The following PLEKHG3 variants were observed in gnomAD, a reference collection of about 807,000 sequenced individuals.
The protein encoded by PLEKHG3 is pleckstrin homology and RhoGEF domain containing G3, also known as pleckstrin homology domain-containing family G member 3.
A neutral mutation model predicts 94.9 loss-of-function variants in PLEKHG3; 62 were observed. The ratio of observed to expected loss-of-function variants is 0.65; its 90% CI spans 0.53 to 0.81. The LOEUF is 0.81. Among genes scored for constraint, PLEKHG3 ranks in the 30% least tolerant of loss-of-function variants. PLEKHG3 has a pLI of 0.00. For missense variants in PLEKHG3, 1,461 were observed against 1,619.3 expected, an observed-to-expected ratio of 0.90 and a Z score of 1.68; for synonymous variants, 614 against 654.0, an observed-to-expected ratio of 0.94 and a Z score of 0.93.
intron 1 of PLEKHG3, among the ~76,000 whole-genome samples, chr14:64,708,069 T>TG (rs2081001980): frequency 1.3e-5 from 2 of 152,214 alleles, no homozygotes; most frequent in Admixed American, 1.3e-4. Flanking sequence ...TTTTAGATAT[T>TG]GGGCAGGAGT....
chr14:64,744,417 A>C lies in PLEKHG3; in HGVS notation c.*714A>C, dbSNP rs1046172323. On this transcript the variant is annotated 3_prime_UTR_variant, in exon 17 of 17. Transcript: ENST00000247226. ...TTCATGGGCCAGGGATGTCTTAGGG[A>C]GATGGAGACATGGAGGTTGTTCCTT... 6.6e-5 allele frequency: 10 copies of C among 152,444 alleles called. No homozygotes were observed. Among genetic ancestry groups the C allele is most frequent in the African/African-American group, 2.2e-4 (9 of 41,390 alleles). The allele number at this position is 152,444 out of a possible 1,614,324, so 9.4% of individuals were successfully genotyped here. A position where few individuals can be genotyped will look rare whatever the true frequency, so the allele number is the denominator to read the frequency against.
chr14:64,716,902 G>C lies in PLEKHG3; in HGVS notation c.-39-10691G>C, dbSNP rs1407837875. Among the ~76,000 whole-genome samples, 1 of 152,234 alleles carries C rather than the reference G, an allele frequency of 6.6e-6. No individual in the cohort carries two copies. Among genetic ancestry groups the C allele is most frequent in the East Asian group, 1.9e-4 (1 of 5,196 alleles). On this transcript the variant is annotated intron_variant, in intron 1 of 16. Coordinates refer to ENST00000247226, the MANE Select transcript of PLEKHG3 (RefSeq NM_001308147.2). The surrounding 1 kb of genome is among the most constrained non-coding windows in gnomAD (Gnocchi z 5.0). ...GAATTCTGGTCCATGTACGCTCCCA[G>C]CTGAGGCAGGAAGTGCCCCTCCTCT...
At chr14:64,735,354 G>A (rs1054584479) in intron 12 of PLEKHG3, among the ~76,000 whole-genome samples, 3 of 152,226 alleles carry the variant, frequency 2.0e-5, no homozygotes, top group Non-Finnish European at 2.9e-5. Flanking sequence ...GCTCACTCCT[G>A]TAATCCTAGC....
rs954413659 is a variant in PLEKHG3, at chr14:64,743,168, C to T, written c.3125C>T (p.Thr1042Ile). 6 of 1,610,976 alleles carry T rather than the reference C, an allele frequency of 3.7e-6. No homozygotes were observed. In the Middle Eastern group the frequency reaches 5.0e-4, roughly 133 times the overall value. Residue 1042 changes from threonine (T) to isoleucine (I), a missense_variant, in exon 17 of 17, where the codon ACA becomes ATA. Transcript: ENST00000247226. The surrounding 1 kb of genome is among the most constrained non-coding windows in gnomAD (Gnocchi z 7.2). ...RPSARSPLSPTETFSWPDVRE... is the reference protein window; with the variant it reads ...RPSARSPLSPIETFSWPDVRE... Reference sequence around the variant, plus strand: ...TCCGCCCGGAGCCCCCTCAGCCCCACAGAGACCTTCAGCTGGCCCGACGTC... The same window carrying T: ...TCCGCCCGGAGCCCCCTCAGCCCCATAGAGACCTTCAGCTGGCCCGACGTC...
At position 64,738,222 on chromosome 14, in the gene PLEKHG3, A is replaced by T; in HGVS notation, c.1405-520A>T. On this transcript the variant is annotated intron_variant, in intron 14 of 16. Coordinates refer to ENST00000247226, the MANE Select transcript of PLEKHG3 (RefSeq NM_001308147.2). This position sits in a 1 kb window ranked among gnomAD's most constrained non-coding sequence, Gnocchi z 4.8. ...CGCTTTACTTTTCTCCCGGGGCGCT[A>T]TGGTGAGGTGTCTCTTCGATCTCCC... The T allele has an allele frequency of 7.8e-7, 1 of 1,287,746 alleles. No homozygotes were observed. The highest frequency in any genetic ancestry group is 1.0e-6 in the Non-Finnish European group (1 of 988,398). 79.8% of individuals were successfully genotyped at this position (1,287,746 alleles called of 1,614,324 possible).
At chr14:64,711,367 A>G (rs1406188533) in intron 1 of PLEKHG3, among the ~76,000 whole-genome samples, 1 of 152,020 alleles carries the variant, frequency 6.6e-6, no homozygotes, top group African/African-American at 2.4e-5. Flanking sequence ...GCAGATTGCC[A>G]GTTATCCCAA....
chr14:64,749,202 G>C lies in PLEKHG3; in HGVS notation c.*5499G>C, dbSNP rs1594730174. 2 of 1,404,194 alleles carry C rather than the reference G, an allele frequency of 1.4e-6. No individual in the cohort carries two copies. Among genetic ancestry groups the C allele is most frequent in the African/African-American group, 1.4e-5 (1 of 69,824 alleles). The allele number at this position is 1,404,194 out of a possible 1,614,324, so 87.0% of individuals were successfully genotyped here. ...GGCCCGGGGGCCCGGCCCGCGACTCGACTCATCTCGATTCGACCGGCGGGC... is the reference window on the plus strand; with the variant it reads ...GGCCCGGGGGCCCGGCCCGCGACTCCACTCATCTCGATTCGACCGGCGGGC... On this transcript the variant is annotated 3_prime_UTR_variant, in exon 17 of 17. Transcript: ENST00000247226. The surrounding 1 kb of genome is among the most constrained non-coding windows in gnomAD (Gnocchi z 4.7).
At position 64,744,679 on chromosome 14, in the gene PLEKHG3, G is replaced by A. The variant is rs1490506665; in HGVS notation, c.*976G>A. 3 of 152,164 alleles carry A rather than the reference G, an allele frequency of 2.0e-5. No individual in the cohort carries two copies. The highest frequency in any genetic ancestry group is 3.4e-3 in the Middle Eastern group (1 of 292). 9.4% of individuals were successfully genotyped at this position (152,164 alleles called of 1,614,324 possible). On this transcript the variant is annotated 3_prime_UTR_variant, in exon 17 of 17. Transcript: ENST00000247226. Reference sequence around the variant, plus strand: ...CAAGAAAAAGGGAGGTGGTGAGGTGGATAGACTGTTTTTCTCATAAGCAGA... The same window carrying A: ...CAAGAAAAAGGGAGGTGGTGAGGTGAATAGACTGTTTTTCTCATAAGCAGA...
intron 1 of PLEKHG3, among the ~76,000 whole-genome samples, chr14:64,719,708 C>T (rs2081230402): frequency 6.6e-6 from 1 of 152,092 alleles, no homozygotes; most frequent in Admixed American, 6.5e-5. Context: ...TCTCCAGTGC[C>T]TTTGAACCTG....
rs369536969 is a variant in PLEKHG3 at position 64,743,752 on chromosome 14, C to A, written c.*49C>A. On this transcript the variant is annotated 3_prime_UTR_variant, in exon 17 of 17. Coordinates refer to ENST00000247226, the MANE Select transcript of PLEKHG3 (RefSeq NM_001308147.2). The surrounding 1 kb of genome is among the most constrained non-coding windows in gnomAD (Gnocchi z 7.2). ...AGTCATGTTGGAGGTTGGGGAAGAACCTGGGCATCCTTCCCCTCAAGCCTG... is the reference window on the plus strand; with the variant it reads ...AGTCATGTTGGAGGTTGGGGAAGAAACTGGGCATCCTTCCCCTCAAGCCTG... The A allele has an allele frequency of 6.7e-7, 1 of 1,497,154 alleles. No homozygotes were observed. The highest frequency in any genetic ancestry group is 8.9e-7 in the Non-Finnish European group (1 of 1,128,650). 92.7% of individuals were successfully genotyped at this position (1,497,154 alleles called of 1,614,324 possible). A position where few individuals can be genotyped will look rare whatever the true frequency, so the allele number is the denominator to read the frequency against.
At position 64,742,458 on chromosome 14, in the gene PLEKHG3, A is replaced by G; in HGVS notation, c.2938+3A>G. Reference sequence around the variant, plus strand: ...TGGAGAGCCATTAGGTGGCAAAGGTATGACAGAAGCGGCAAGTGGGCCCTT... The same window carrying G: ...TGGAGAGCCATTAGGTGGCAAAGGTGTGACAGAAGCGGCAAGTGGGCCCTT... On this transcript the variant is annotated splice_donor_region_variant and intron_variant, in intron 16 of 16. Transcript: ENST00000247226. 6.3e-7 allele frequency: 1 copy of G among 1,594,098 alleles called. No homozygotes were observed. Among genetic ancestry groups the G allele is most frequent in the Middle Eastern group, 1.7e-4 (1 of 5,920 alleles).
chr14:64,729,470 G>A (rs940279253), intron 3 of PLEKHG3, among the ~76,000 whole-genome samples: 1 of 152,108 alleles, frequency 6.6e-6, no homozygotes, highest in African/African-American at 2.4e-5. Flanking sequence ...TGACCCCAAG[G>A]GCTCCCTGGA....
At chr14:64,712,178 T>G (rs185655372) in intron 1 of PLEKHG3, among the ~76,000 whole-genome samples, 1 of 152,252 alleles carries the variant, frequency 6.6e-6, no homozygotes, top group East Asian at 1.9e-4. Context: ...TCTCTTTCAT[T>G]GATCTATATG....
rs772238629 is a variant in PLEKHG3, at chr14:64,743,332, C to G, written c.3289C>G (p.Arg1097Gly). ...GCCACCTCTGTCGGGCAGGGTGGGC[C>G]GCTGCCGCAGCCTGAGCACCAAGAG... ...VEPPLSGRVG[R>G]CRSLSTKRGR... Residue 1097 changes from arginine (R) to glycine (G), a missense_variant, in exon 17 of 17, where the codon CGC becomes GGC. Coordinates refer to ENST00000247226, the MANE Select transcript of PLEKHG3 (RefSeq NM_001308147.2). This position sits in a 1 kb window ranked among gnomAD's most constrained non-coding sequence, Gnocchi z 7.2. 6.2e-7 allele frequency: 1 copy of G among 1,607,052 alleles called. No individual in the cohort carries two copies. The highest frequency in any genetic ancestry group is 1.7e-5 in the Admixed American group (1 of 59,746).
In PLEKHG3 at chr14:64,732,540, C is replaced by T. The variant is rs1378057841; in HGVS notation, c.1246+80C>T. 2.3e-6 allele frequency: 3 copies of T among 1,285,862 alleles called. No homozygotes were observed. Among genetic ancestry groups the T allele is most frequent in the Non-Finnish European group, 3.4e-6 (3 of 881,950 alleles). The allele number at this position is 1,285,862 out of a possible 1,614,324, so 79.7% of individuals were successfully genotyped here. On this transcript the variant is annotated intron_variant, in intron 11 of 16. Transcript: ENST00000247226. The surrounding 1 kb of genome is among the most constrained non-coding windows in gnomAD (Gnocchi z 4.9). ...AGGCTGCATCCTGGGGAAGCTTTAC[C>T]TGATAATTTTATTCCAGGAGCAGGG... is the stretch of plus-strand genomic sequence containing the variant.
In PLEKHG3 at chr14:64,722,512, G is replaced by T. The variant is rs904523466; in HGVS notation, c.-39-5081G>T. On this transcript the variant is annotated intron_variant, in intron 1 of 16. Coordinates refer to ENST00000247226, the MANE Select transcript of PLEKHG3 (RefSeq NM_001308147.2). This position sits in a 1 kb window ranked among gnomAD's most constrained non-coding sequence, Gnocchi z 4.3. ...TGGGATTACAGGCGTGAGCCACTGCGCCTGGCCACGAGGACTTTCCCTGTG... is the reference window on the plus strand; with the variant it reads ...TGGGATTACAGGCGTGAGCCACTGCTCCTGGCCACGAGGACTTTCCCTGTG... Among the ~76,000 whole-genome samples the T allele has an allele frequency of 1.3e-5, 2 of 152,138 alleles. No homozygotes were observed. Among genetic ancestry groups the T allele is most frequent in the South Asian group, 2.1e-4 (1 of 4,830 alleles).
Position 64,747,229 on chromosome 14 carries a change from C to A in PLEKHG3, c.*3526C>A, listed in dbSNP as rs1414445014. The A allele has an allele frequency of 6.6e-6, 1 of 152,476 alleles. No homozygotes were observed. The highest frequency in any genetic ancestry group is 1.5e-5 in the Non-Finnish European group (1 of 68,062). 9.4% of individuals were successfully genotyped at this position (152,476 alleles called of 1,614,324 possible). A position where few individuals can be genotyped will look rare whatever the true frequency, so the allele number is the denominator to read the frequency against. On this transcript the variant is annotated 3_prime_UTR_variant, in exon 17 of 17. Transcript: ENST00000247226. ...GGGAGGGTGGGCCCTTGTCCCTAGG[C>A]TCCCTAAAGACTGGCCCAGGGAAAC...
rs1261782683 is a variant in PLEKHG3, at chr14:64,717,932, T to C, written c.-39-9661T>C. On this transcript the variant is annotated intron_variant, in intron 1 of 16. Coordinates refer to ENST00000247226, the MANE Select transcript of PLEKHG3 (RefSeq NM_001308147.2). The surrounding 1 kb of genome is among the most constrained non-coding windows in gnomAD (Gnocchi z 4.7). Reference sequence around the variant, plus strand: ...TCCAGACCTGGCTTGGATCTGTCCTTTCCCACAAAGCCACGTGGATTCCTT... The same window carrying C: ...TCCAGACCTGGCTTGGATCTGTCCTCTCCCACAAAGCCACGTGGATTCCTT... 6.6e-6 allele frequency among the ~76,000 whole-genome samples: 1 copy of C among 152,210 alleles called. No individual in the cohort carries two copies. The highest frequency in any genetic ancestry group is 1.5e-5 in the Non-Finnish European group (1 of 68,036).
intron 1 of PLEKHG3, among the ~76,000 whole-genome samples, chr14:64,705,707 G>C (rs1365539532): frequency 6.6e-6 from 1 of 152,200 alleles, no homozygotes; most frequent in Non-Finnish European, 1.5e-5. Context: ...CGGAGCGGGG[G>C]AGGGCCTCCC....
Sources: allele counts gnomAD v4.1 joint callset (sites outside exome capture counted in the v4.1 genomes callset), GRCh38; gene constraint gnomAD v4.1.1; non-coding constraint Gnocchi (gnomAD v3.1); transcripts MANE v1.5; gene names NCBI Gene and HGNC (gene_info 2026-07-23, HGNC 2026-07-21).